Variants in NAP1L4 observed in about 807,000 individuals in gnomAD.
The protein encoded by NAP1L4 is nucleosome assembly protein 1-like 4.
Under a neutral mutation model 58.2 loss-of-function variants are expected in NAP1L4, and 15 were observed. The observed-to-expected ratio is 0.26, with a 90% CI of 0.17 to 0.40. The LOEUF is 0.40. Ranked by LOEUF, NAP1L4 falls within the 10% of genes least tolerant of loss-of-function variation. The pLI, the probability that NAP1L4 is intolerant of heterozygous loss-of-function variation, is 1.00. For missense variants in NAP1L4, 384 were observed against 451.1 expected (o/e 0.85, Z 1.35); for synonymous variants, 171 against 155.6 (o/e 1.10, Z -0.74).
chr11:2,961,501 TAAA>T (rs34999812), intron 8 of NAP1L4, among the ~76,000 whole-genome samples: 2 of 138,872 alleles, frequency 1.4e-5, no homozygotes, highest in African/African-American at 2.6e-5. Context: ...CTCCACGGCT[TAAA>T]AAAAAAAAAA....
At chr11:2,988,258 G>T (rs1240541654) in intron 1 of NAP1L4, 1 of 152,198 alleles carries the variant, frequency 6.6e-6, no homozygotes, top group Non-Finnish European at 1.5e-5. Context: ...CAGTTCATTA[G>T]CATACGACTC....
rs35712223 is a variant in NAP1L4 at position 2,955,060 on chromosome 11, AT to A, written c.916-415del. On this transcript the variant is annotated intron_variant, in intron 11 of 15. Transcript: ENST00000380542. This position sits in a 1 kb window ranked among gnomAD's most constrained non-coding sequence, Gnocchi z 4.2. ...CCAGAGTTTTAGGAAACAGAAATGG[AT>A]TTTTTTTTTTTAAGAGACAGGGTCT... Among the ~76,000 whole-genome samples, 233 of 147,272 alleles carry A rather than the reference AT, an allele frequency of 1.6e-3. No homozygotes were observed. The highest frequency in any genetic ancestry group is 3.3e-3 in the African/African-American group (133 of 40,462).
At chr11:2,958,158 TAAA>T in intron 10 of NAP1L4, 1 of 673,382 alleles carries the variant, frequency 1.5e-6, no homozygotes, top group Non-Finnish European at 2.7e-6. Flanking sequence ...CCAAGCAGAG[TAAA>T]GCTCTTCCCT....
chr11:2,981,372 T>C (rs1848294829), intron 1 of NAP1L4, among the ~76,000 whole-genome samples: 1 of 129,022 alleles, frequency 7.8e-6, no homozygotes, highest in South Asian at 2.5e-4. Flanking sequence ...GACCTATGAC[T>C]GCGCCACTGA....
chr11:2,968,763 C>T (rs2133962484), intron 7 of NAP1L4, among the ~76,000 whole-genome samples: 1 of 152,284 alleles, frequency 6.6e-6, no homozygotes, highest in African/African-American at 2.4e-5. Flanking sequence ...AGTCTGAATG[C>T]AGACGTGCTG....
Position 2,951,711 on chromosome 11 carries a change from C to T in NAP1L4, c.1065+69G>A. The T allele has an allele frequency of 1.3e-6, 2 of 1,531,116 alleles. No individual in the cohort carries two copies. The highest frequency in any genetic ancestry group is 3.3e-5 in the Admixed American group (2 of 59,786). The allele number at this position is 1,531,116 out of a possible 1,614,324, so 94.8% of individuals were successfully genotyped here. ...TAACACAGCCCTGTGAGTCCATAAC[C>T]TTCAAGCAGAGAAAGCCAAAGAAAC... On this transcript the variant is annotated intron_variant, in intron 13 of 15. Coordinates refer to ENST00000380542, the MANE Select transcript of NAP1L4 (RefSeq NM_005969.4). This position sits in a 1 kb window ranked among gnomAD's most constrained non-coding sequence, Gnocchi z 4.0.
intron 4 of NAP1L4, 97 bp downstream of exon 4, chr11:2,975,927 A>T: frequency 9.3e-7 from 1 of 1,080,788 alleles, no homozygotes; most frequent in Non-Finnish European, 1.3e-6. Flanking sequence ...AACGAAAAAA[A>T]CATTTAATCC....
intron 7 of NAP1L4, among the ~76,000 whole-genome samples, chr11:2,968,228 T>A (rs1271504123): frequency 6.6e-6 from 1 of 152,166 alleles, no homozygotes; most frequent in African/African-American, 2.4e-5. Flanking sequence ...GGGTGCACAT[T>A]AGAGTTCCTA....
At chr11:2,986,235 AT>A (rs1285857012) in intron 1 of NAP1L4, among the ~76,000 whole-genome samples, 2 of 152,082 alleles carry the variant, frequency 1.3e-5, no homozygotes, top group Non-Finnish European at 2.9e-5. Context: ...TCAGCTGGGC[AT>A]GGTGGCACAC....
chr11:2,948,599 C>T lies in NAP1L4; in HGVS notation c.*32+628G>A, dbSNP rs1846060545. ...GAAACAGCTTCCAGGCTTACTGACA[C>T]TCACTTTCATCTACAACTGGTTCTT... On this transcript the variant is annotated intron_variant, in intron 15 of 15. Coordinates refer to ENST00000380542, the MANE Select transcript of NAP1L4 (RefSeq NM_005969.4). This position sits in a 1 kb window ranked among gnomAD's most constrained non-coding sequence, Gnocchi z 5.1. Among the ~76,000 whole-genome samples, 1 of 152,208 alleles carries T rather than the reference C, an allele frequency of 6.6e-6. No homozygotes were observed.
intron 14 of NAP1L4, among the ~76,000 whole-genome samples, chr11:2,950,507 C>T (rs1262960457): frequency 6.6e-6 from 1 of 152,176 alleles, no homozygotes; most frequent in Non-Finnish European, 1.5e-5. Flanking sequence ...CACCAGGTAA[C>T]GTTAGTATTC....
intron 3 of NAP1L4, 129 bp downstream of exon 3, chr11:2,978,155 C>T: frequency 1.2e-6 from 1 of 809,624 alleles, no homozygotes; most frequent in Admixed American, 3.0e-5. Flanking sequence ...ACTGATTTTT[C>T]ATTTTAATTA....
chr11:2,964,297 C>CA, intron 8 of NAP1L4, among the ~76,000 whole-genome samples: 1 of 152,266 alleles, frequency 6.6e-6, no homozygotes, highest in Admixed American at 6.5e-5. Context: ...AGTAAACAAA[C>CA]AAACTACAAG....
chr11:2,990,992 C>G (rs1007794585), intron 1 of NAP1L4: 2 of 408,114 alleles, frequency 4.9e-6, no homozygotes, highest in African/African-American at 4.2e-5. Context: ...ACCCCGTAAA[C>G]CTAATGCAGG....
intron 7 of NAP1L4, among the ~76,000 whole-genome samples, chr11:2,965,169 C>T (rs1847187924): frequency 6.6e-6 from 1 of 152,238 alleles, no homozygotes; most frequent in African/African-American, 2.4e-5. Flanking sequence ...GAAGAGAAGG[C>T]TAGATCGGCT....
rs369735818 is a variant in NAP1L4 at position 2,963,875 on chromosome 11, C to T, written c.606+805G>A. ...AACCCATTAGCTACAGCCAGGCTAA[C>T]GGGTTACGAACAGTGCTCCCTGGGA... is the stretch of plus-strand genomic sequence containing the variant. On this transcript the variant is annotated intron_variant, in intron 8 of 15. Transcript: ENST00000380542. 254 of 519,262 alleles carry T rather than the reference C, an allele frequency of 4.9e-4. 1 individual carries two copies. The highest frequency in any genetic ancestry group is 4.1e-3 in the African/African-American group (216 of 52,096). The allele number at this position is 519,262 out of a possible 1,614,324, so 32.2% of individuals were successfully genotyped here.
At chr11:2,984,556 A>G (rs1407890696) in intron 1 of NAP1L4, among the ~76,000 whole-genome samples, 4 of 152,166 alleles carry the variant, frequency 2.6e-5, no homozygotes, top group Admixed American at 2.6e-4. Flanking sequence ...GGGCAACAAG[A>G]GCGAAACTCT....
chr11:2,957,485 T>C (rs912299593), intron 10 of NAP1L4, among the ~76,000 whole-genome samples: 6 of 152,226 alleles, frequency 3.9e-5, no homozygotes, highest in African/African-American at 9.7e-5. Flanking sequence ...ATCCGCCCTG[T>C]GGCCCCACAT....
chr11:2,989,179 T>G (rs1237988968), intron 1 of NAP1L4: 1 of 152,218 alleles, frequency 6.6e-6, no homozygotes, highest in Admixed American at 6.5e-5. Context: ...AGCAGTTTCC[T>G]GCAGAGATCA....
Sources: gnomAD v4.1 joint callset for allele counts (sites outside exome capture counted in the v4.1 genomes callset) on GRCh38, gnomAD v4.1.1 for gene constraint, Gnocchi (gnomAD v3.1) non-coding constraint, MANE v1.5 for transcripts, NCBI Gene and HGNC (gene_info 2026-07-23, HGNC 2026-07-21) for gene names.